SDK1: variants seen among roughly 807,000 people sequenced by gnomAD.
SDK1 encodes protein sidekick-1.
SDK1 carries 157 observed loss-of-function variants against 245.5 expected under a neutral mutation model. The ratio of observed to expected loss-of-function variants is 0.64; its 90% confidence interval spans 0.56 to 0.73. The LOEUF (loss-of-function observed/expected upper bound fraction) is 0.73, where lower values mean the gene tolerates loss of function less well. SDK1 is among the 30% of genes least tolerant of loss of function. SDK1 has a pLI of 0.00. For synonymous variants in SDK1, 1,647 were observed against 1,278.5 expected (o/e 1.29, Z -6.15); for missense variants, 3,583 against 3,002.3 (o/e 1.19, Z -4.52).
intron 2 of SDK1, among the ~76,000 whole-genome samples, chr7:3,635,654 C>G (rs1782435095): frequency 6.6e-6 from 1 of 151,998 alleles, no homozygotes; most frequent in Non-Finnish European, 1.5e-5. Flanking sequence ...TGTACCGTCA[C>G]TCTGTTTTCT....
chr7:3,856,929 T>G (rs1274131420), intron 5 of SDK1, among the ~76,000 whole-genome samples: 3 of 152,010 alleles, frequency 2.0e-5, no homozygotes, highest in Non-Finnish European at 4.4e-5. Context: ...AGGTAAACAG[T>G]GTTAAAAGGG....
At chr7:3,398,300 G>T (rs930446864) in intron 1 of SDK1, among the ~76,000 whole-genome samples, 3 of 152,094 alleles carry the variant, frequency 2.0e-5, no homozygotes, top group Non-Finnish European at 4.4e-5. Context: ...TTAGAGCCCT[G>T]TTGATGTAGT....
At chr7:3,607,955 G>A (rs535968691) in intron 1 of SDK1, among the ~76,000 whole-genome samples, 15 of 152,336 alleles carry the variant, frequency 9.8e-5, no homozygotes, top group East Asian at 1.9e-4. Context: ...TGCAGGGGGC[G>A]GCCACAAGGC....
intron 4 of SDK1, among the ~76,000 whole-genome samples, chr7:3,691,218 C>G (rs1784429764): frequency 6.6e-6 from 1 of 152,030 alleles, no homozygotes; most frequent in South Asian, 2.1e-4. Flanking sequence ...TTTAGATTTG[C>G]AAGAAATAAA....
At chr7:3,777,315 A>G (rs1780596507) in intron 4 of SDK1, among the ~76,000 whole-genome samples, 2 of 152,222 alleles carry the variant, frequency 1.3e-5, no homozygotes, top group Admixed American at 6.5e-5. Flanking sequence ...CCTGTTTAAT[A>G]GATATTCCTA....
At chr7:3,768,123 A>G (rs1396151924) in intron 4 of SDK1, among the ~76,000 whole-genome samples, 1 of 152,214 alleles carries the variant, frequency 6.6e-6, no homozygotes, top group East Asian at 1.9e-4. Context: ...ATGGTCATTA[A>G]CGTGCCATTT....
At position 3,826,035 on chromosome 7, in the gene SDK1, G is replaced by A. The variant is rs577163703; in HGVS notation, c.847+4452G>A. 3.2e-4 allele frequency among the ~76,000 whole-genome samples: 49 copies of A among 152,324 alleles called. No homozygotes were observed. In the South Asian group the frequency reaches 3.3e-3, roughly 10 times the overall value. The stretch of plus-strand genomic sequence containing the variant: ...ACATAAATAGGAAGTCTATTTTATA[G>A]TCAAGTCATGAGTTTAATCATTTAG... On this transcript the variant is annotated intron_variant, in intron 5 of 44. Transcript: ENST00000404826.
intron 1 of SDK1, among the ~76,000 whole-genome samples, chr7:3,307,831 G>A (rs1779456588): frequency 6.6e-6 from 1 of 151,538 alleles, no homozygotes; most frequent in African/African-American, 2.4e-5. Context: ...TATAAAAGGA[G>A]GGATTAGACT....
intron 33 of SDK1, among the ~76,000 whole-genome samples, chr7:4,174,723 C>G (rs979678127): frequency 6.6e-6 from 1 of 152,132 alleles, no homozygotes; most frequent in Non-Finnish European, 1.5e-5. Flanking sequence ...CAGGGACAGG[C>G]CCCGCCTGTC....
At chr7:3,486,115 T>G (rs1249021211) in intron 1 of SDK1, among the ~76,000 whole-genome samples, 1 of 152,112 alleles carries the variant, frequency 6.6e-6, no homozygotes, top group Non-Finnish European at 1.5e-5. Flanking sequence ...TTACCTGTAA[T>G]TTTGATTTCT....
chr7:3,663,559 G>C (rs541318982), intron 4 of SDK1, among the ~76,000 whole-genome samples: 1 of 152,180 alleles, frequency 6.6e-6, no homozygotes, highest in Non-Finnish European at 1.5e-5. Flanking sequence ...AGAGATTGCT[G>C]TTTAGACCAT....
chr7:3,425,229 A>C (rs1017445681), intron 1 of SDK1, among the ~76,000 whole-genome samples: 14 of 152,010 alleles, frequency 9.2e-5, no homozygotes, highest in African/African-American at 3.4e-4. Flanking sequence ...TCAGGGAGAC[A>C]GGCCTGTTGT....
chr7:3,580,996 C>CAAAAAAAAAAAAA lies in SDK1; in HGVS notation c.299-38080_299-38079insAAAAAAAAAAAAA, dbSNP rs1418335916. ...AAAAAAAAAAAAAAAAAAAAAAAACCAAAACAAAACCCTGGAAGACAATCT... is the reference window on the plus strand; with the variant it reads ...AAAAAAAAAAAAAAAAAAAAAAAACCAAAAAAAAAAAAAAAAACAAAACCCTGGAAGACAATCT... On this transcript the variant is annotated intron_variant, in intron 1 of 44. Coordinates refer to ENST00000404826, the MANE Select transcript of SDK1 (RefSeq NM_152744.4). Among the ~76,000 whole-genome samples, 146 of 92,930 alleles carry CAAAAAAAAAAAAA rather than the reference C, an allele frequency of 1.6e-3. 20 individuals are homozygous for CAAAAAAAAAAAAA. The highest frequency in any genetic ancestry group is 3.7e-3 in the African/African-American group (83 of 22,494). The allele number at this position is 92,930 out of a possible 152,430, so 61.0% of individuals were successfully genotyped here. A position where few individuals can be genotyped will look rare whatever the true frequency, so the allele number is the denominator to read the frequency against.
At chr7:4,030,611 G>A (rs1787733439) in intron 17 of SDK1, among the ~76,000 whole-genome samples, 1 of 152,184 alleles carries the variant, frequency 6.6e-6, no homozygotes, top group East Asian at 1.9e-4. Context: ...CTTTTCATAC[G>A]CGCCTTGGTG....
At chr7:3,694,624 A>G (rs75897059) in intron 4 of SDK1, among the ~76,000 whole-genome samples, 2,033 of 152,010 alleles carry the variant, frequency 0.013, 22 homozygotes, top group Non-Finnish European at 0.02. Flanking sequence ...GATCCAGTGG[A>G]TGTTCTAAGA....
At chr7:3,959,242 A>G (rs751432560) in intron 8 of SDK1, among the ~76,000 whole-genome samples, 3 of 152,190 alleles carry the variant, frequency 2.0e-5, no homozygotes, top group Non-Finnish European at 4.4e-5. Flanking sequence ...TTTACCCAGC[A>G]GAGCAAAAAG....
intron 1 of SDK1, among the ~76,000 whole-genome samples, chr7:3,396,199 T>A (rs1049595822): frequency 2.5e-4 from 38 of 152,012 alleles, no homozygotes; most frequent in African/African-American, 6.7e-4. Context: ...CTTGTAATTT[T>A]AAAAAAATTT....
At chr7:4,027,001 T>G (rs1012593571) in intron 17 of SDK1, among the ~76,000 whole-genome samples, 1 of 152,188 alleles carries the variant, frequency 6.6e-6, no homozygotes, top group African/African-American at 2.4e-5. Flanking sequence ...CCTTATAGTT[T>G]AAACCATGTA....
At chr7:3,363,304 T>G (rs1429612699) in intron 1 of SDK1, among the ~76,000 whole-genome samples, 3 of 152,170 alleles carry the variant, frequency 2.0e-5, no homozygotes, top group African/African-American at 7.2e-5. Context: ...CAGTAATTCA[T>G]TTCTTTTTTA....
Sources: allele counts gnomAD v4.1 joint callset (sites outside exome capture counted in the v4.1 genomes callset), GRCh38; gene constraint gnomAD v4.1.1; transcripts MANE v1.5; gene names NCBI Gene and HGNC (gene_info 2026-07-23, HGNC 2026-07-21).